Variants in KCNQ5 observed in about 807,000 individuals in gnomAD.
KCNQ5 encodes potassium voltage-gated channel subfamily Q member 5.
KCNQ5 carries 30 observed loss-of-function variants against 98.2 expected under a neutral mutation model. The observed-to-expected ratio is 0.31, with a 90% CI of 0.23 to 0.41. The LOEUF is 0.41. Among genes scored for constraint, KCNQ5 ranks in the 10% least tolerant of loss-of-function variants. The pLI, the probability that KCNQ5 is intolerant of heterozygous loss-of-function variation, is 1.00. For missense variants in KCNQ5, 835 were observed against 1,182.5 expected, an observed-to-expected ratio of 0.71 and a Z score of 4.31; for synonymous variants, 458 against 449.4, an observed-to-expected ratio of 1.02 and a Z score of -0.24.
chr6:73,049,063 T>A (rs1259909972), intron 3 of KCNQ5, among the ~76,000 whole-genome samples: 1 of 152,204 alleles, frequency 6.6e-6, no homozygotes, highest in Non-Finnish European at 1.5e-5. Flanking sequence ...TGCCTGCAAT[T>A]TGCCAGTATG....
chr6:72,755,148 G>A (rs894196322), intron 1 of KCNQ5, among the ~76,000 whole-genome samples: 1 of 151,928 alleles, frequency 6.6e-6, no homozygotes, highest in Non-Finnish European at 1.5e-5. Context: ...TAGTAATACA[G>A]TCACTCCAGC....
intron 1 of KCNQ5, among the ~76,000 whole-genome samples, chr6:72,973,069 C>A (rs1180020950): frequency 6.6e-6 from 1 of 152,148 alleles, no homozygotes; most frequent in African/African-American, 2.4e-5. Context: ...AAAGGAAACG[C>A]TTTTGGTAAC....
chr6:73,144,271 TG>T (rs1200121639), intron 10 of KCNQ5, among the ~76,000 whole-genome samples: 1 of 152,208 alleles, frequency 6.6e-6, no homozygotes, highest in Non-Finnish European at 1.5e-5. Context: ...ACATCTAATT[TG>T]TTCGGCTTTT....
intron 1 of KCNQ5, among the ~76,000 whole-genome samples, chr6:72,702,328 G>A (rs1402716522): frequency 1.3e-5 from 2 of 152,086 alleles, no homozygotes; most frequent in Non-Finnish European, 2.9e-5. Flanking sequence ...ATAACAGTAG[G>A]AACCAAATAC....
chr6:72,935,288 C>T (rs1582044300), intron 1 of KCNQ5, among the ~76,000 whole-genome samples: 1 of 152,146 alleles, frequency 6.6e-6, no homozygotes, highest in East Asian at 1.9e-4. Context: ...CCAGGCTGAT[C>T]TCAAACTCCT....
intron 1 of KCNQ5, among the ~76,000 whole-genome samples, chr6:72,694,783 T>C (rs760382742): frequency 6.6e-6 from 1 of 152,224 alleles, no homozygotes; most frequent in East Asian, 1.9e-4. Context: ...GTATATTGCA[T>C]GATGCTGAAG....
chr6:72,932,654 A>C (rs1765737818), intron 1 of KCNQ5, among the ~76,000 whole-genome samples: 1 of 152,130 alleles, frequency 6.6e-6, no homozygotes, highest in South Asian at 2.1e-4. Context: ...TTTCATGTAG[A>C]TCCTCCTGAT....
chr6:73,006,291 C>T (rs769875181), intron 2 of KCNQ5, among the ~76,000 whole-genome samples: 3 of 150,812 alleles, frequency 2.0e-5, no homozygotes, highest in Non-Finnish European at 4.4e-5. Context: ...TGAGACATAT[C>T]GAAGGAATTA....
At chr6:72,692,322 G>A (rs532120953) in intron 1 of KCNQ5, among the ~76,000 whole-genome samples, 1 of 152,290 alleles carries the variant, frequency 6.6e-6, no homozygotes, top group South Asian at 2.1e-4. Flanking sequence ...CATTCACTGA[G>A]TAAGTCACAT....
rs1773555167 is a variant in KCNQ5 at position 72,782,776 on chromosome 6, A to G, written c.398+160189A>G. ...ACCATAATACCTGGTTTTCTTATTT[A>G]TTAATGTATTCATTGTCCTCTTGTC... On this transcript the variant is annotated intron_variant, in intron 1 of 13. Transcript: ENST00000370398. Among the ~76,000 whole-genome samples, 2 of 151,994 alleles carry G rather than the reference A, an allele frequency of 1.3e-5. 1 individual carries two copies. The highest frequency in any genetic ancestry group is 4.2e-4 in the South Asian group (2 of 4,816).
At chr6:72,668,630 AT>A (rs1766944478) in intron 1 of KCNQ5, among the ~76,000 whole-genome samples, 1 of 151,992 alleles carries the variant, frequency 6.6e-6, no homozygotes, top group Non-Finnish European at 1.5e-5. Flanking sequence ...ACAAAATTCC[AT>A]AGACTGGATG....
chr6:72,800,211 T>C (rs1393465373), intron 1 of KCNQ5, among the ~76,000 whole-genome samples: 1 of 152,246 alleles, frequency 6.6e-6, no homozygotes, highest in Admixed American at 6.5e-5. Context: ...ATGGTACCAG[T>C]TCCTCCTTGT....
At chr6:72,646,641 G>T (rs1565054356) in intron 1 of KCNQ5, among the ~76,000 whole-genome samples, 1 of 152,152 alleles carries the variant, frequency 6.6e-6, no homozygotes, top group Non-Finnish European at 1.5e-5. Flanking sequence ...TATATGTTCT[G>T]CCAATCCAGC....
chr6:72,666,098 G>A lies in KCNQ5; in HGVS notation c.398+43511G>A, dbSNP rs575617235. Among the ~76,000 whole-genome samples, 68 of 152,218 alleles carry A rather than the reference G, an allele frequency of 4.5e-4. 1 individual carries two copies. The highest frequency in any genetic ancestry group is 1.4e-3 in the African/African-American group (59 of 41,540). On this transcript the variant is annotated intron_variant, in intron 1 of 13. Coordinates refer to ENST00000370398, the MANE Select transcript of KCNQ5 (RefSeq NM_019842.4). ...ATAGGAGTAATTTCATAGCTTCTCC[G>A]TATAATTGCACTGTATCTGTAAGAG...
intron 3 of KCNQ5, among the ~76,000 whole-genome samples, chr6:73,054,654 T>G (rs1772385987): frequency 6.6e-6 from 1 of 152,170 alleles, no homozygotes; most frequent in African/African-American, 2.4e-5. Flanking sequence ...CCCTTCACGT[T>G]AAAAACCCTC....
intron 1 of KCNQ5, chr6:72,806,820 A>G (rs1406464448): frequency 4.4e-6 from 2 of 449,748 alleles, no homozygotes; most frequent in Non-Finnish European, 8.9e-6. Flanking sequence ...ACTGAAGCTC[A>G]TTAAGCCTTC....
chr6:73,006,015 G>A (rs1769796357), intron 2 of KCNQ5, among the ~76,000 whole-genome samples: 1 of 152,104 alleles, frequency 6.6e-6, no homozygotes, highest in African/African-American at 2.4e-5. Flanking sequence ...TTCAAATACT[G>A]TCTTTTACTT....
chr6:72,874,680 G>T (rs954380475), intron 1 of KCNQ5, among the ~76,000 whole-genome samples: 4 of 152,068 alleles, frequency 2.6e-5, no homozygotes, highest in African/African-American at 9.7e-5. Context: ...ACTGTGCTTG[G>T]TACCTAACAT....
At chr6:72,733,939 CTGAGAACAGTT>C (rs1305054065) in intron 1 of KCNQ5, among the ~76,000 whole-genome samples, 1 of 152,146 alleles carries the variant, frequency 6.6e-6, no homozygotes, top group Non-Finnish European at 1.5e-5. Flanking sequence ...TATAAGGTAG[CTGAGAACAGTT>C]TGATTTACAC....
Sources: gnomAD v4.1 joint callset for allele counts (sites outside exome capture counted in the v4.1 genomes callset) on GRCh38, gnomAD v4.1.1 for gene constraint, MANE v1.5 for transcripts, NCBI Gene and HGNC (gene_info 2026-07-23, HGNC 2026-07-21) for gene names.